PCDHA13: variants seen among roughly 807,000 people sequenced by gnomAD.
PCDHA13 encodes protocadherin alpha-13.
PCDHA13 carries 54 observed loss-of-function variants against 64.8 expected under a neutral mutation model. The ratio of observed to expected loss-of-function variants is 0.83; its 90% CI spans 0.67 to 1.04. The LOEUF is 1.04. Ranked by LOEUF, PCDHA13 falls within the 50% of genes least tolerant of loss-of-function variation. The pLI, the probability that PCDHA13 is intolerant of heterozygous loss-of-function variation, is 0.00. For missense variants in PCDHA13, 1,248 were observed against 1,254.3 expected (o/e 0.99, Z 0.08); for synonymous variants, 587 against 564.4 (o/e 1.04, Z -0.57).
rs149265547 is a variant in PCDHA13 at position 140,927,771 on chromosome 5, G to T, written c.2394+43109G>T. On this transcript the variant is annotated intron_variant, in intron 1 of 3. Coordinates refer to ENST00000289272, the MANE Select transcript of PCDHA13 (RefSeq NM_018904.3). Reference sequence around the variant, plus strand: ...ACGTGCACCCTAAAAGTGGGGAGGTGCAAGTAGCTGCTTCACTAGGTCCGC... The same window carrying T: ...ACGTGCACCCTAAAAGTGGGGAGGTTCAAGTAGCTGCTTCACTAGGTCCGC... The T allele has an allele frequency of 4.2e-4, 677 of 1,614,210 alleles. 4 individuals carry two copies. In the African/African-American group the frequency reaches 7.5e-3, roughly 18 times the overall value.
chr5:140,967,487 G>A lies in PCDHA13; in HGVS notation c.2395-11462G>A, dbSNP rs781929483. 60 of 1,613,172 alleles carry A rather than the reference G, an allele frequency of 3.7e-5. No individual in the cohort carries two copies. The highest frequency in any genetic ancestry group is 5.0e-5 in the Non-Finnish European group (59 of 1,179,674). ...GGGCATCCCAGCCCGCTCGGGTACG[G>A]CACAGATCTCTGTGCGTGTCCTGGA... On this transcript the variant is annotated intron_variant, in intron 1 of 3. Coordinates refer to ENST00000289272, the MANE Select transcript of PCDHA13 (RefSeq NM_018904.3).
intron 1 of PCDHA13, among the ~76,000 whole-genome samples, chr5:140,945,889 A>G (rs2093857848): frequency 6.6e-6 from 1 of 152,074 alleles, no homozygotes; most frequent in African/African-American, 2.4e-5. Flanking sequence ...CAAAGAAAAC[A>G]CAGTGGGAAA....
At chr5:140,897,504 C>T (rs1253239827) in intron 1 of PCDHA13, among the ~76,000 whole-genome samples, 1 of 152,092 alleles carries the variant, frequency 6.6e-6, no homozygotes, top group Non-Finnish European at 1.5e-5. Context: ...CATGTCCCTA[C>T]AAAGGACATG....
chr5:140,900,227 G>C (rs1425549345), intron 1 of PCDHA13, among the ~76,000 whole-genome samples: 1 of 152,038 alleles, frequency 6.6e-6, no homozygotes, highest in Admixed American at 6.6e-5. Flanking sequence ...CAAATGACTG[G>C]ATCTTGTTTT....
chr5:140,883,507 G>T lies in PCDHA13; in HGVS notation c.1239G>T (p.Leu413=), dbSNP rs782325165. 6.2e-7 allele frequency: 1 copy of T among 1,614,200 alleles called. No individual in the cohort carries two copies. Among genetic ancestry groups the T allele is most frequent in the South Asian group, 1.1e-5 (1 of 91,086 alleles). Residue 413 remains leucine, a synonymous_variant, in exon 1 of 4, where the codon CTG becomes CTT. Coordinates refer to ENST00000289272, the MANE Select transcript of PCDHA13 (RefSeq NM_018904.3). The part of the protein sequence containing the change: ...NYYSLVLDSA[L]DRESVSAYEL... ...ACTCATTAGTGCTGGACAGCGCCCT[G>T]GACCGCGAGAGCGTATCAGCCTATG...
At chr5:141,004,030 C>T (rs1337271425) in intron 3 of PCDHA13, among the ~76,000 whole-genome samples, 1 of 152,204 alleles carries the variant, frequency 6.6e-6, no homozygotes, top group Non-Finnish European at 1.5e-5. Flanking sequence ...GAAACATTTC[C>T]TTGATTGATC....
intron 1 of PCDHA13, among the ~76,000 whole-genome samples, chr5:140,947,932 T>G (rs1444320082): frequency 1.3e-5 from 2 of 151,584 alleles, no homozygotes; most frequent in African/African-American, 4.8e-5. Flanking sequence ...CCTGATCTTA[T>G]GAGAAAAGTG....
chr5:140,968,029 G>A, intron 1 of PCDHA13: 1 of 1,614,170 alleles, frequency 6.2e-7, no homozygotes, highest in Non-Finnish European at 8.5e-7. Context: ...CCTATACACT[G>A]GTGGTGAGCG....
chr5:140,927,254 C>T, intron 1 of PCDHA13: 2 of 1,614,132 alleles, frequency 1.2e-6, no homozygotes, highest in Non-Finnish European at 1.7e-6. Flanking sequence ...AATGACAACT[C>T]ACCTCTCTTT....
intron 1 of PCDHA13, among the ~76,000 whole-genome samples, chr5:140,955,810 A>G (rs1171384572): frequency 1.3e-5 from 2 of 152,090 alleles, no homozygotes; most frequent in Non-Finnish European, 2.9e-5. Context: ...GTTTGTGTCC[A>G]CTGTGATTTC....
At chr5:140,922,371 T>G (rs1194947703) in intron 1 of PCDHA13, among the ~76,000 whole-genome samples, 1 of 152,204 alleles carries the variant, frequency 6.6e-6, no homozygotes, top group Non-Finnish European at 1.5e-5. Context: ...CTCACTGAGA[T>G]GCAAAACCAA....
At chr5:140,944,051 C>G (rs1383787401) in intron 1 of PCDHA13, among the ~76,000 whole-genome samples, 1 of 152,086 alleles carries the variant, frequency 6.6e-6, no homozygotes, top group East Asian at 1.9e-4. Context: ...GATTGGGATA[C>G]AAAAAGGTTT....
At chr5:140,954,340 G>A (rs2095020682) in intron 1 of PCDHA13, among the ~76,000 whole-genome samples, 1 of 152,176 alleles carries the variant, frequency 6.6e-6, no homozygotes, top group Non-Finnish European at 1.5e-5. Flanking sequence ...TCTGCCTCTA[G>A]ATCTTTGAGG....
chr5:140,963,941 G>A lies in PCDHA13; in HGVS notation c.2395-15008G>A, dbSNP rs1434019587. Among the ~76,000 whole-genome samples the A allele has an allele frequency of 7.9e-5, 12 of 152,320 alleles. No homozygotes were observed. In the East Asian group the frequency reaches 9.6e-4, roughly 12 times the overall value. On this transcript the variant is annotated intron_variant, in intron 1 of 3. Coordinates refer to ENST00000289272, the MANE Select transcript of PCDHA13 (RefSeq NM_018904.3). ...TAAGTAACATGTCCATAGCCAAACAGTTAGTCACTGGCAGGAGTGTGACTG... is the reference window on the plus strand; with the variant it reads ...TAAGTAACATGTCCATAGCCAAACAATTAGTCACTGGCAGGAGTGTGACTG...
intron 1 of PCDHA13, among the ~76,000 whole-genome samples, chr5:140,941,202 C>CCTTTCTTCCTTTCTTTTTCTTT (rs1394736170): frequency 8.1e-6 from 1 of 122,742 alleles, no homozygotes; most frequent in African/African-American, 3.0e-5. Flanking sequence ...TTTCTTTCTT[C>CCTTTCTTCCTTTCTTTTTCTTT]CTTTCTTTCT....
rs1282110712 is a variant in PCDHA13, at chr5:140,926,177, A to G, written c.2394+41515A>G. Among the ~76,000 whole-genome samples the G allele has an allele frequency of 2.0e-5, 3 of 151,672 alleles. No individual in the cohort carries two copies. The South Asian group carries it at 6.6e-4, about 34-fold the overall frequency. On this transcript the variant is annotated intron_variant, in intron 1 of 3. Coordinates refer to ENST00000289272, the MANE Select transcript of PCDHA13 (RefSeq NM_018904.3). ...CTCTGCAGCAGGATCCAGCGCGGAA[A>G]GCCCCCCGCAGCACTTCTTTCGGGG...
At chr5:140,993,817 T>C (rs1467199618) in intron 3 of PCDHA13, among the ~76,000 whole-genome samples, 2 of 152,240 alleles carry the variant, frequency 1.3e-5, no homozygotes, top group Non-Finnish European at 2.9e-5. Context: ...CTAGGAGCAA[T>C]AGGCTATACC....
rs782692069 is a variant in PCDHA13, at chr5:140,883,476, A to G, written c.1208A>G (p.Asn403Ser). ...TTCAAGCTGGTGTCCACCTACAAGA[A>G]CTACTACTCATTAGTGCTGGACAGC... Reference protein sequence around the residue: ...VPFKLVSTYKNYYSLVLDSAL... With the variant: ...VPFKLVSTYKSYYSLVLDSAL... The change falls in exon 1 of 4, where the codon AAC becomes AGC. Residue 403 changes from asparagine (N) to serine (S), a missense_variant. Physicochemically the swap from Asn to Ser is conservative, Grantham distance 46 (BLOSUM62 1). Transcript: ENST00000289272. The G allele has an allele frequency of 4.3e-6, 7 of 1,614,082 alleles. No homozygotes were observed. The highest frequency in any genetic ancestry group is 3.3e-5 in the Admixed American group (2 of 60,010).
At position 141,011,086 on chromosome 5, in the gene PCDHA13, C is replaced by T. The variant is rs1181884726; in HGVS notation, c.*1149C>T. The T allele has an allele frequency of 2.6e-5, 4 of 153,678 alleles. No homozygotes were observed. Among genetic ancestry groups the T allele is most frequent in the African/African-American group, 9.7e-5 (4 of 41,430 alleles). The allele number at this position is 153,678 out of a possible 1,614,324, so 9.5% of individuals were successfully genotyped here. On this transcript the variant is annotated 3_prime_UTR_variant, in exon 4 of 4. Coordinates refer to ENST00000289272, the MANE Select transcript of PCDHA13 (RefSeq NM_018904.3). ...TGTATTACTAAATAAAATGATCTCT[C>T]TTTCTCTCTCTCTCTCTCTTTTCTA...
Sources: allele counts gnomAD v4.1 joint callset (sites outside exome capture counted in the v4.1 genomes callset), GRCh38; gene constraint gnomAD v4.1.1; transcripts MANE v1.5; gene names NCBI Gene and HGNC (gene_info 2026-07-23, HGNC 2026-07-21).